The following RPS13 variants were observed in gnomAD, a reference collection of about 807,000 sequenced individuals.
The protein encoded by RPS13 is ribosomal protein S13, also known as small ribosomal subunit protein uS15.
A neutral mutation model predicts 24.6 loss-of-function variants in RPS13; 1 was observed. The observed-to-expected ratio is 0.04, with a 90% CI of 0.01 to 0.19. The LOEUF (loss-of-function observed/expected upper bound fraction) is 0.19, where lower values mean the gene tolerates loss of function less well. Among genes scored for constraint, RPS13 ranks in the 10% least tolerant of loss-of-function variants. The pLI is 1.00. For missense variants in RPS13, 88 were observed against 187.4 expected, an observed-to-expected ratio of 0.47 and a Z score of 3.10; for synonymous variants, 69 against 65.3, an observed-to-expected ratio of 1.06 and a Z score of -0.27.
intron 5 of RPS13, 54 bp downstream of exon 5, chr11:17,075,043 T>C (rs1848005736): frequency 2.2e-5 from 27 of 1,216,446 alleles, no homozygotes; most frequent in Non-Finnish European, 2.9e-5. Flanking sequence ...CTAGGACTTT[T>C]ACTACTGGCT....
rs552496153 is a variant in RPS13, at chr11:17,077,046, T to A, written c.151+122A>T. ...AGTACATGTGAAGTGCTTACAATGA[T>A]GCCTCTAGCACGGTGGCGAGACCAG... On this transcript the variant is annotated intron_variant, in intron 3 of 5. Coordinates refer to ENST00000525634, the MANE Select transcript of RPS13 (RefSeq NM_001017.3). 4.2e-5 allele frequency: 30 copies of A among 706,806 alleles called. No homozygotes were observed. The Admixed American group carries it at 4.3e-4, about 10-fold the overall frequency. 43.8% of individuals were successfully genotyped at this position (706,806 alleles called of 1,614,324 possible).
At chr11:17,077,567 T>C (rs1848039426) in intron 1 of RPS13, 52 bp downstream of exon 1, 3 of 1,578,082 alleles carry the variant, frequency 1.9e-6, no homozygotes, top group Admixed American at 3.4e-5. Context: ...CCACACTCCC[T>C]GTCTTCCTCC....
At chr11:17,074,788 A>G (rs1848000903) in intron 5 of RPS13, 3 of 659,864 alleles carry the variant, frequency 4.5e-6, no homozygotes, top group Admixed American at 2.1e-5. Context: ...GAGTAGAGGT[A>G]TGAAAGGAAA....
intron 5 of RPS13, 76 bp downstream of exon 5, chr11:17,075,021 A>C (rs1848005250): frequency 1.0e-6 from 1 of 985,904 alleles, no homozygotes; most frequent in East Asian, 2.4e-5. Flanking sequence ...CCAAGGCTGA[A>C]CATATTTACT....
In RPS13 at chr11:17,077,485, GAGA is replaced by G; in HGVS notation, c.24-11_24-9del. On this transcript the variant is annotated splice_polypyrimidine_tract_variant and intron_variant, in intron 1 of 5. Coordinates refer to ENST00000525634, the MANE Select transcript of RPS13 (RefSeq NM_001017.3). Reference sequence around the variant, plus strand: ...GACTGGGACAGGCCCTTCCTGGGGAGAGAAGCAGTCTCGAGGTGAGGTGGCGGC... The same window carrying G: ...GACTGGGACAGGCCCTTCCTGGGGAGAGCAGTCTCGAGGTGAGGTGGCGGC... 6.2e-7 allele frequency: 1 copy of G among 1,614,064 alleles called. No homozygotes were observed. Among genetic ancestry groups the G allele is most frequent in the Non-Finnish European group, 8.5e-7 (1 of 1,180,002 alleles).
At chr11:17,075,736 C>A in intron 3 of RPS13, 113 bp from the exon 4 acceptor site, 1 of 820,282 alleles carries the variant, frequency 1.2e-6, no homozygotes, top group South Asian at 1.4e-5. Flanking sequence ...TGGGGGTATA[C>A]TTTTATACAT....
chr11:17,075,592 T>C lies in RPS13; in HGVS notation c.183A>G (p.Ala61=). Residue 61 remains alanine, a synonymous_variant, in exon 4 of 6, where the codon GCA becomes GCG. Coordinates refer to ENST00000525634, the MANE Select transcript of RPS13 (RefSeq NM_001017.3). The stretch of plus-strand genomic sequence containing the variant: ...TATTGCCTGTCACAAAACGTACTTG[T>C]GCAACACCATGTGAATCTCTCAGGA... ...GVILRDSHGV[A]QVRFVTGNKI... 1 of 1,608,472 alleles carries C rather than the reference T, an allele frequency of 6.2e-7. No homozygotes were observed. The highest frequency in any genetic ancestry group is 1.1e-5 in the South Asian group (1 of 89,722).
In RPS13 at chr11:17,075,849, G is replaced by C. The variant is rs965441610; in HGVS notation, c.152-226C>G. ...TTTCTGGTGGAAACTGCGAATGTTG[G>C]AAAACCATCATCACAGTGAGCTTGC... On this transcript the variant is annotated intron_variant, in intron 3 of 5. Coordinates refer to ENST00000525634, the MANE Select transcript of RPS13 (RefSeq NM_001017.3). 49 of 644,894 alleles carry C rather than the reference G, an allele frequency of 7.6e-5. 1 individual carries two copies. The highest frequency in any genetic ancestry group is 6.2e-4 in the African/African-American group (35 of 56,176). 39.9% of individuals were successfully genotyped at this position (644,894 alleles called of 1,614,324 possible).
At chr11:17,077,564 C>T in intron 1 of RPS13, 55 bp downstream of exon 1, 13 of 1,605,442 alleles carry the variant, frequency 8.1e-6, no homozygotes, top group Non-Finnish European at 1.0e-5. Context: ...TGCCCACACT[C>T]CCTGTCTTCC....
intron 5 of RPS13, chr11:17,074,836 T>A (rs1211508174): frequency 1.5e-6 from 1 of 649,554 alleles, no homozygotes; most frequent in Non-Finnish European, 2.8e-6. Context: ...AAGGGCTTAT[T>A]CATGGTCTAA....
Position 17,075,449 on chromosome 11 carries a change from C to T in RPS13, c.321+5G>A, listed in dbSNP as rs1565226099. The stretch of plus-strand genomic sequence containing the variant: ...CTTAGCACCAGGTTTTATTTATTAG[C>T]TTACCTTTCTGTTCCTCTCAAGATG... On this transcript the variant is annotated splice_donor_5th_base_variant and intron_variant, in intron 4 of 5. Transcript: ENST00000525634. The T allele has an allele frequency of 6.5e-7, 1 of 1,550,024 alleles. No individual in the cohort carries two copies. Among genetic ancestry groups the T allele is most frequent in the Non-Finnish European group, 8.7e-7 (1 of 1,153,754 alleles).
At chr11:17,076,185 G>C (rs1179039943) in intron 3 of RPS13, among the ~76,000 whole-genome samples, 1 of 152,116 alleles carries the variant, frequency 6.6e-6, no homozygotes, top group Non-Finnish European at 1.5e-5. Context: ...TCAGGAGTCT[G>C]AGACCAGCCT....
intron 3 of RPS13, chr11:17,076,963 T>C: frequency 1.8e-6 from 1 of 569,958 alleles, no homozygotes; most frequent in South Asian, 2.2e-5. Context: ...AACTGTAAAC[T>C]GGGGTGAAAG....
chr11:17,076,595 A>C, intron 3 of RPS13: 2 of 403,690 alleles, frequency 5.0e-6, no homozygotes, highest in Middle Eastern at 7.2e-4. Flanking sequence ...TCTGTCACCC[A>C]GGAGTGCAGT....
chr11:17,077,572 T>TGGGGGGGGGGGGGGGGG, intron 1 of RPS13, 47 bp downstream of exon 1: 1 of 1,592,334 alleles, frequency 6.3e-7, no homozygotes, highest in Non-Finnish European at 8.6e-7. Context: ...CTCCCTGTCT[T>TGGGGGGGGGGGGGGGGG]CCTCCCACCC....
chr11:17,075,749 C>T (rs776944961), intron 3 of RPS13, 126 bp from the exon 4 acceptor site: 17 of 758,708 alleles, frequency 2.2e-5, no homozygotes, highest in South Asian at 1.5e-5. Context: ...TTATACATCA[C>T]AGAAACCAAC....
At chr11:17,074,659 C>CA (rs1319369524) in intron 5 of RPS13, 193 bp from the exon 6 acceptor site, 1 of 711,676 alleles carries the variant, frequency 1.4e-6, no homozygotes, top group South Asian at 1.5e-5. Flanking sequence ...GATGCTCACT[C>CA]AGACATCCAA....
Position 17,077,238 on chromosome 11 carries a change from C to T in RPS13, c.81G>A (p.Lys27=). 3 of 1,613,754 alleles carry T rather than the reference C, an allele frequency of 1.9e-6. No homozygotes were observed. Among genetic ancestry groups the T allele is most frequent in the Non-Finnish European group, 2.5e-6 (3 of 1,179,696 alleles). The change falls in exon 3 of 6, where the codon AAG becomes AAA. Residue 27 remains lysine (K), a synonymous_variant. Transcript: ENST00000525634. ...PYRRSVPTWL[K]LTSDDVKEQI... ...GCTCCTTCACGTCGTCAGATGTCAACTTCAACCACTGTTATGGAATAGAAA... is the reference window on the plus strand; with the variant it reads ...GCTCCTTCACGTCGTCAGATGTCAATTTCAACCACTGTTATGGAATAGAAA...
intron 3 of RPS13, chr11:17,076,556 A>AC: frequency 8.6e-5 from 6 of 69,546 alleles, no homozygotes; most frequent in South Asian, 7.6e-4. Flanking sequence ...GACTGTCTCA[A>AC]AAAAAAAAAA....
Sources: allele counts gnomAD v4.1 joint callset (sites outside exome capture counted in the v4.1 genomes callset), GRCh38; gene constraint gnomAD v4.1.1; transcripts MANE v1.5; gene names NCBI Gene and HGNC (gene_info 2026-07-23, HGNC 2026-07-21).